The following PLCB1 variants were observed in gnomAD, a reference collection of about 807,000 sequenced individuals.
PLCB1 encodes 1-phosphatidylinositol 4,5-bisphosphate phosphodiesterase beta-1.
Under a neutral mutation model 161.8 loss-of-function variants are expected in PLCB1, and 46 were observed. That is an observed-to-expected ratio of 0.28 (90% confidence interval 0.22 to 0.36). PLCB1 has a LOEUF of 0.36. PLCB1 is among the 10% of genes least tolerant of loss of function. The probability of loss-of-function intolerance (pLI) is 1.00; values close to 1 mark genes in which losing one functional copy is unlikely to be tolerated. For missense variants in PLCB1, 1,016 were observed against 1,472.5 expected (o/e 0.69, Z 5.07); for synonymous variants, 517 against 503.7 (o/e 1.03, Z -0.35).
intron 31 of PLCB1, among the ~76,000 whole-genome samples, chr20:8,856,061 C>T (rs1215191657): frequency 1.3e-5 from 2 of 152,150 alleles, no homozygotes. Context: ...GTTTCTCCCC[C>T]TCTGGTACCC....
chr20:8,399,399 A>T (rs1484851869), intron 3 of PLCB1, among the ~76,000 whole-genome samples: 3 of 152,170 alleles, frequency 2.0e-5, no homozygotes, highest in Non-Finnish European at 2.9e-5. Context: ...GTGAGTTAAA[A>T]TACTTACCTT....
chr20:8,352,212 A>G (rs904478164), intron 2 of PLCB1, among the ~76,000 whole-genome samples: 1 of 152,152 alleles, frequency 6.6e-6, no homozygotes, highest in Non-Finnish European at 1.5e-5. Flanking sequence ...GCATAATGCT[A>G]AGTGATATAA....
At chr20:8,705,290 C>T (rs1050313176) in intron 11 of PLCB1, among the ~76,000 whole-genome samples, 1 of 152,116 alleles carries the variant, frequency 6.6e-6, no homozygotes, top group African/African-American at 2.4e-5. Context: ...TGTATGCTGA[C>T]CTCTGAGCTA....
chr20:8,685,154 A>C, intron 10 of PLCB1, 76 bp downstream of exon 10: 3 of 1,390,434 alleles, frequency 2.2e-6, no homozygotes, highest in Non-Finnish European at 3.0e-6. Context: ...TGTTGTTCGG[A>C]AGCTGAAGTG....
chr20:8,645,489 T>G (rs1050769835), intron 4 of PLCB1, among the ~76,000 whole-genome samples: 2 of 152,210 alleles, frequency 1.3e-5, no homozygotes, highest in Non-Finnish European at 2.9e-5. Context: ...TATTTTTTTG[T>G]AGACTTGCTC....
intron 2 of PLCB1, among the ~76,000 whole-genome samples, chr20:8,164,067 A>T (rs563834961): frequency 1.1e-4 from 17 of 152,322 alleles, no homozygotes; most frequent in African/African-American, 3.8e-4. Context: ...CTTCTCTGTG[A>T]TGTATGGATC....
At chr20:8,668,367 TCC>T in intron 9 of PLCB1, among the ~76,000 whole-genome samples, 1 of 152,144 alleles carries the variant, frequency 6.6e-6, no homozygotes, top group Non-Finnish European at 1.5e-5. Context: ...AAAGATTATC[TCC>T]AAGCTAGGGA....
intron 25 of PLCB1, among the ~76,000 whole-genome samples, chr20:8,761,857 GT>G (rs11476003): frequency 0.22 from 32,930 of 150,102 alleles, 3,678 homozygotes; most frequent in Middle Eastern, 0.36. Flanking sequence ...GCCTCCCAAA[GT>G]TTTGGGATTA....
intron 2 of PLCB1, among the ~76,000 whole-genome samples, chr20:8,294,271 C>T (rs1983523670): frequency 6.6e-6 from 1 of 152,090 alleles, no homozygotes. Flanking sequence ...TTATCCAGGT[C>T]AGACAGTAGA....
Position 8,737,397 on chromosome 20 carries a change from A to G in PLCB1, c.2208+205A>G, listed in dbSNP as rs6118297. Reference sequence around the variant, plus strand: ...ATTTTCAGAATTGTATTGTAAATCAATTCATTCTAGTATGCCTCAAATGGA... The same window carrying G: ...ATTTTCAGAATTGTATTGTAAATCAGTTCATTCTAGTATGCCTCAAATGGA... On this transcript the variant is annotated intron_variant, in intron 20 of 31. Coordinates refer to ENST00000338037, the MANE Select transcript of PLCB1 (RefSeq NM_015192.4). 0.24 allele frequency among the ~76,000 whole-genome samples: 36,113 copies of G among 152,128 alleles called. 4,998 individuals carry two copies. The highest frequency in any genetic ancestry group is 0.32 in the Non-Finnish European group (21,616 of 67,976).
At chr20:8,418,791 A>G (rs1230008393) in intron 3 of PLCB1, among the ~76,000 whole-genome samples, 1 of 152,184 alleles carries the variant, frequency 6.6e-6, no homozygotes, top group Non-Finnish European at 1.5e-5. Context: ...GCTGAAACAC[A>G]CAGATGACTT....
rs573593103 is a variant in PLCB1, at chr20:8,410,677, G to A, written c.246+39227G>A. On this transcript the variant is annotated intron_variant, in intron 3 of 31. Coordinates refer to ENST00000338037, the MANE Select transcript of PLCB1 (RefSeq NM_015192.4). Reference sequence around the variant, plus strand: ...ATTTTTAATTGTAATGGGTTGAATAGCAGTCCCCAAAAAGATATGTCCATG... The same window carrying A: ...ATTTTTAATTGTAATGGGTTGAATAACAGTCCCCAAAAAGATATGTCCATG... Among the ~76,000 whole-genome samples the A allele has an allele frequency of 4.6e-5, 7 of 152,094 alleles. No homozygotes were observed. In the East Asian group the frequency reaches 1.2e-3, roughly 25 times the overall value.
intron 2 of PLCB1, among the ~76,000 whole-genome samples, chr20:8,347,805 C>T (rs1986043743): frequency 6.6e-6 from 1 of 151,694 alleles, no homozygotes; most frequent in Admixed American, 6.6e-5. Flanking sequence ...TATTGAATTC[C>T]ATGAAGAAAT....
At chr20:8,461,726 C>T (rs528569213) in intron 3 of PLCB1, among the ~76,000 whole-genome samples, 97 of 152,124 alleles carry the variant, frequency 6.4e-4, no homozygotes, top group African/African-American at 2.3e-3. Flanking sequence ...AAAGTAGTTT[C>T]GACGGTCAAG....
intron 9 of PLCB1, among the ~76,000 whole-genome samples, chr20:8,671,189 A>G (rs954707033): frequency 2.0e-5 from 3 of 152,158 alleles, no homozygotes; most frequent in Non-Finnish European, 4.4e-5. Flanking sequence ...TTCTACGTGG[A>G]TTTATGGGCC....
chr20:8,276,980 C>CTTATTATTATTATTA (rs1195931646), intron 2 of PLCB1, among the ~76,000 whole-genome samples: 33 of 96,838 alleles, frequency 3.4e-4, no homozygotes, highest in South Asian at 6.9e-4. Context: ...TCTTCTTCTT[C>CTTATTATTATTATTA]TTCTTCTTAT....
At chr20:8,748,040 C>T (rs1365066027) in intron 23 of PLCB1, among the ~76,000 whole-genome samples, 2 of 152,158 alleles carry the variant, frequency 1.3e-5, no homozygotes, top group African/African-American at 2.4e-5. Context: ...ATTTTGGATT[C>T]TCTTTAAATA....
chr20:8,797,230 C>G (rs1984070405), intron 31 of PLCB1, among the ~76,000 whole-genome samples: 2 of 151,576 alleles, frequency 1.3e-5, no homozygotes, highest in Non-Finnish European at 2.9e-5. Flanking sequence ...TTATATTCCC[C>G]CTCCCCCCAC....
At chr20:8,560,746 C>T (rs1986115041) in intron 3 of PLCB1, among the ~76,000 whole-genome samples, 1 of 151,894 alleles carries the variant, frequency 6.6e-6, no homozygotes, top group South Asian at 2.1e-4. Flanking sequence ...TATAGTATGT[C>T]TATTATAATC....
Sources: allele counts gnomAD v4.1 joint callset (sites outside exome capture counted in the v4.1 genomes callset), GRCh38; gene constraint gnomAD v4.1.1; transcripts MANE v1.5; gene names NCBI Gene and HGNC (gene_info 2026-07-23, HGNC 2026-07-21).